BTBD2: variants seen among roughly 807,000 people sequenced by gnomAD.
The protein encoded by BTBD2 is BTB/POZ domain-containing protein 2.
BTBD2 carries 15 observed loss-of-function variants against 44.0 expected under a neutral mutation model. The ratio of observed to expected loss-of-function variants is 0.34; its 90% CI spans 0.23 to 0.53. The LOEUF (loss-of-function observed/expected upper bound fraction) is 0.53, where lower values mean the gene tolerates loss of function less well. Among genes scored for constraint, BTBD2 ranks in the 20% least tolerant of loss-of-function variants. BTBD2 has a pLI of 0.95. For missense variants in BTBD2, 657 were observed against 746.4 expected (o/e 0.88, Z 1.39); for synonymous variants, 443 against 335.9 (o/e 1.32, Z -3.49).
At chr19:2,006,399 C>T (rs1289881939) in intron 1 of BTBD2, among the ~76,000 whole-genome samples, 2 of 151,552 alleles carry the variant, frequency 1.3e-5, no homozygotes, top group South Asian at 2.1e-4. Context: ...GCCAGCTACT[C>T]GGGAGGCTGA....
intron 2 of BTBD2, among the ~76,000 whole-genome samples, chr19:1,996,160 C>T (rs1481255469): frequency 6.6e-6 from 1 of 152,112 alleles, no homozygotes; most frequent in African/African-American, 2.4e-5. Flanking sequence ...TCCATTGGTC[C>T]CCACGTTCTG....
chr19:2,013,157 T>TG (rs1180569712), intron 1 of BTBD2, among the ~76,000 whole-genome samples: 1 of 151,872 alleles, frequency 6.6e-6, no homozygotes, highest in East Asian at 1.9e-4. Flanking sequence ...CAGCTGCCCA[T>TG]AAACACCCAG....
chr19:1,997,419 T>C lies in BTBD2; in HGVS notation c.452A>G (p.Asn151Ser). ...CGTGGATGTTGTGGCCATTCCCCCG[T>C]TGAACATGGCATCAAAGACGGCGCT... is the stretch of plus-strand genomic sequence containing the variant. ...VGSAVFDAMFNGGMATTSTEI... is the reference protein window; with the variant it reads ...VGSAVFDAMFSGGMATTSTEI... Residue 151 changes from asparagine to serine, a missense_variant, in exon 2 of 9, where the codon AAC (asparagine) becomes AGC (serine). By Grantham distance (46) the Asn-to-Ser change is conservative. Coordinates refer to ENST00000255608, the MANE Select transcript of BTBD2 (RefSeq NM_017797.4). 1 of 1,614,128 alleles carries C rather than the reference T, an allele frequency of 6.2e-7. No individual in the cohort carries two copies. The highest frequency in any genetic ancestry group is 1.1e-5 in the South Asian group (1 of 91,080).
At chr19:1,988,452 C>T (rs2016124915) in intron 5 of BTBD2, 1 of 152,350 alleles carries the variant, frequency 6.6e-6, no homozygotes, top group Admixed American at 6.5e-5. Context: ...CTCCGCATCG[C>T]TCAGCTGCAA....
intron 8 of BTBD2, 33 bp from the exon 9 acceptor site, chr19:1,986,682 A>C: frequency 6.2e-7 from 1 of 1,607,002 alleles, no homozygotes; most frequent in Non-Finnish European, 8.5e-7. Context: ...GAGGTCAAGG[A>C]CCACCAGGCT....
At chr19:2,013,562 G>C (rs2016494269) in intron 1 of BTBD2, 1 of 987,872 alleles carries the variant, frequency 1.0e-6, no homozygotes, top group African/African-American at 1.7e-5. Flanking sequence ...GCAGAGTCCA[G>C]GGTCCAGAGC....
At chr19:1,999,759 G>T (rs555366022) in intron 1 of BTBD2, among the ~76,000 whole-genome samples, 2,330 of 151,448 alleles carry the variant, frequency 0.015, 64 homozygotes, top group African/African-American at 0.053. Flanking sequence ...TCAGGAGTTG[G>T]GAGACCAGCC....
chr19:2,004,678 T>C (rs1229232824), intron 1 of BTBD2, among the ~76,000 whole-genome samples: 2 of 91,780 alleles, frequency 2.2e-5, no homozygotes, highest in African/African-American at 8.2e-5. Context: ...ATATACCCCC[T>C]GAGTCGAAAA....
At chr19:2,006,892 C>T (rs1192232425) in intron 1 of BTBD2, among the ~76,000 whole-genome samples, 1 of 151,988 alleles carries the variant, frequency 6.6e-6, no homozygotes, top group South Asian at 2.1e-4. Flanking sequence ...CGGTCTCACT[C>T]TATCGCCCAG....
chr19:2,015,293 C>T lies in BTBD2; in HGVS notation c.407+4G>A. ...GCCAGGGCTGGCGGGGTCGGGGCGC[C>T]CACCTGTGCGCGGGGATGCGCTGCG... On this transcript the variant is annotated splice_donor_region_variant and intron_variant, in intron 1 of 8. Transcript: ENST00000255608. 1 of 1,549,756 alleles carries T rather than the reference C, an allele frequency of 6.5e-7. No individual in the cohort carries two copies. The highest frequency in any genetic ancestry group is 1.2e-5 in the South Asian group (1 of 85,944).
Position 1,991,008 on chromosome 19 carries a change from G to A in BTBD2, c.685-186C>T, listed in dbSNP as rs184570392. 4.4e-3 allele frequency: 2,496 copies of A among 569,884 alleles called. 50 individuals carry two copies. Among genetic ancestry groups the A allele is most frequent in the Admixed American group, 0.043 (1,419 of 32,676 alleles). 35.3% of individuals were successfully genotyped at this position (569,884 alleles called of 1,614,324 possible). A position where few individuals can be genotyped will look rare whatever the true frequency, so the allele number is the denominator to read the frequency against. On this transcript the variant is annotated intron_variant, in intron 3 of 8. Coordinates refer to ENST00000255608, the MANE Select transcript of BTBD2 (RefSeq NM_017797.4). ...TGGGCCCAGAGACTCCCCTGTGACC[G>A]CTGACTGGGGCGGGAGAGTTGGGGA... is the stretch of plus-strand genomic sequence containing the variant.
chr19:2,004,073 G>A (rs917051432), intron 1 of BTBD2, among the ~76,000 whole-genome samples: 2 of 151,524 alleles, frequency 1.3e-5, no homozygotes, highest in African/African-American at 4.8e-5. Context: ...TCAATGCAAT[G>A]GTCTGTTTCT....
chr19:2,013,408 G>A, intron 1 of BTBD2: 1 of 670,064 alleles, frequency 1.5e-6, no homozygotes, highest in South Asian at 6.6e-5. Context: ...GGGCTGGGGA[G>A]GGAGGGACCC....
At chr19:1,986,710 G>C in intron 8 of BTBD2, 61 bp from the exon 9 acceptor site, 1 of 1,596,844 alleles carries the variant, frequency 6.3e-7, no homozygotes, top group Non-Finnish European at 8.6e-7. Flanking sequence ...CCCAGGTGTG[G>C]ACAGGGCAAG....
At position 2,015,573 on chromosome 19, in the gene BTBD2, G is replaced by A. The variant is rs1354475953; in HGVS notation, c.131C>T (p.Ala44Val). 2 of 765,224 alleles carry A rather than the reference G, an allele frequency of 2.6e-6. No individual in the cohort carries two copies. The highest frequency in any genetic ancestry group is 6.7e-5 in the South Asian group (1 of 15,000). The allele number at this position is 765,224 out of a possible 1,614,324, so 47.4% of individuals were successfully genotyped here. Residue 44 changes from alanine to valine, a missense_variant, in exon 1 of 9, where the codon GCC becomes GTC. By Grantham distance (64) the Ala-to-Val change is moderately conservative (BLOSUM62 0). Around this residue, in one of 3 missense-constraint regions of BTBD2, gnomAD observed 191 missense variants for 188.5 expected, o/e 1.01. Coordinates refer to ENST00000255608, the MANE Select transcript of BTBD2 (RefSeq NM_017797.4). ...GGCGGCGGCGGCGGCGGCGGCGGCG[G>A]CGGCGGCCGCGTTGCCGGGGGCCGG... ...ATPAPGNAAA[A>V]AAAAAAAAAA...
At chr19:1,987,426 G>A (rs1328968972) in intron 6 of BTBD2, 74 bp downstream of exon 6, 15 of 1,086,446 alleles carry the variant, frequency 1.4e-5, no homozygotes, top group South Asian at 1.1e-4. Flanking sequence ...CCCCATGCCC[G>A]GCCCCCCATC....
intron 3 of BTBD2, among the ~76,000 whole-genome samples, chr19:1,992,405 C>CT (rs1427997804): frequency 1.3e-5 from 2 of 151,808 alleles, no homozygotes; most frequent in Non-Finnish European, 2.9e-5. Context: ...CGGCCTGAAT[C>CT]TTTTTTTAAT....
At chr19:2,005,111 C>T (rs1303210783) in intron 1 of BTBD2, among the ~76,000 whole-genome samples, 1 of 152,142 alleles carries the variant, frequency 6.6e-6, no homozygotes, top group African/African-American at 2.4e-5. Context: ...TGAGCCACTG[C>T]GCCCAGCCAG....
intron 1 of BTBD2, 86 bp downstream of exon 1, chr19:2,015,211 A>C: frequency 1.4e-6 from 2 of 1,409,726 alleles, no homozygotes; most frequent in East Asian, 6.1e-5. Context: ...GGTCTCGGGG[A>C]CAGAGGGGTG....
Sources: gnomAD v4.1 joint callset for allele counts (sites outside exome capture counted in the v4.1 genomes callset) on GRCh38, gnomAD v4.1.1 for gene constraint, gnomAD v4.1.1 regional missense constraint, MANE v1.5 for transcripts, NCBI Gene and HGNC (gene_info 2026-07-23, HGNC 2026-07-21) for gene names.